PBX3: variants seen among roughly 807,000 people sequenced by gnomAD.
PBX3 encodes pre-B-cell leukemia transcription factor 3.
Under a neutral mutation model 48.5 loss-of-function variants are expected in PBX3, and 14 were observed. The ratio of observed to expected loss-of-function variants is 0.29; its 90% CI spans 0.19 to 0.45. The LOEUF (loss-of-function observed/expected upper bound fraction) is 0.45. Among genes scored for constraint, PBX3 ranks in the 20% least tolerant of loss-of-function variants. PBX3 has a pLI of 1.00. For missense variants in PBX3, 386 were observed against 546.7 expected (o/e 0.71, Z 2.93); for synonymous variants, 210 against 200.3 (o/e 1.05, Z -0.41).
At chr9:125,887,361 G>A (rs1025098292) in intron 2 of PBX3, among the ~76,000 whole-genome samples, 5 of 152,122 alleles carry the variant, frequency 3.3e-5, no homozygotes, top group Admixed American at 2.0e-4. Flanking sequence ...ATTACCCTGT[G>A]TCATAATTGA....
chr9:125,801,824 C>CACACACAT (rs1218542764), intron 2 of PBX3, among the ~76,000 whole-genome samples: 3 of 151,358 alleles, frequency 2.0e-5, no homozygotes, highest in Non-Finnish European at 2.9e-5. Flanking sequence ...CACACACACA[C>CACACACAT]ATATTCTTAA....
At chr9:125,906,065 C>T (rs1166438424) in intron 2 of PBX3, among the ~76,000 whole-genome samples, 2 of 151,870 alleles carry the variant, frequency 1.3e-5, no homozygotes, top group African/African-American at 2.4e-5. Flanking sequence ...TGCATACAGA[C>T]GAATGTTACA....
chr9:125,954,868 A>G (rs1842268969), intron 5 of PBX3, among the ~76,000 whole-genome samples: 3 of 152,192 alleles, frequency 2.0e-5, no homozygotes, highest in Admixed American at 6.5e-5. Flanking sequence ...ATGGGTATCA[A>G]ACTGCTGTGC....
At chr9:125,793,682 G>A (rs558763141) in intron 2 of PBX3, among the ~76,000 whole-genome samples, 4 of 151,850 alleles carry the variant, frequency 2.6e-5, no homozygotes, top group South Asian at 4.2e-4. Context: ...CGCCTGCCTC[G>A]TCCTCCCAAA....
chr9:125,868,083 C>T (rs1048006816), intron 2 of PBX3, among the ~76,000 whole-genome samples: 5 of 151,996 alleles, frequency 3.3e-5, no homozygotes, highest in Admixed American at 3.3e-4. Context: ...CAATGTTGTC[C>T]AGGCTGGTCT....
At position 125,777,010 on chromosome 9, in the gene PBX3, C is replaced by CTTTTTTTTTTTT. The variant is rs1299800849; in HGVS notation, c.274+28391_274+28392insTTTTTTTTTTTT. Among the ~76,000 whole-genome samples the CTTTTTTTTTTTT allele has an allele frequency of 3.1e-4, 29 of 94,348 alleles. No homozygotes were observed. The East Asian group carries it at 3.8e-3, about 13-fold the overall frequency. 61.9% of individuals were successfully genotyped at this position (94,348 alleles called of 152,430 possible). The stretch of plus-strand genomic sequence containing the variant: ...CTGGCTGACACATGATTTTTCTTTT[C>CTTTTTTTTTTTT]TTTTCTTTTTTTTTTTTGAGACGGA... On this transcript the variant is annotated intron_variant, in intron 2 of 8. Transcript: ENST00000373489.
At chr9:125,763,033 CTG>C (rs1285384565) in intron 2 of PBX3, among the ~76,000 whole-genome samples, 3 of 152,162 alleles carry the variant, frequency 2.0e-5, no homozygotes, top group Non-Finnish European at 2.9e-5. Flanking sequence ...TGGACACAAA[CTG>C]TGCCATTTAT....
intron 2 of PBX3, among the ~76,000 whole-genome samples, chr9:125,789,045 A>AT (rs1837531919): frequency 6.6e-6 from 1 of 151,758 alleles, no homozygotes; most frequent in Non-Finnish European, 1.5e-5. Context: ...TCTTTCTATG[A>AT]TTTGCTTTCA....
intron 5 of PBX3, among the ~76,000 whole-genome samples, chr9:125,937,575 A>G (rs943524021): frequency 1.3e-5 from 2 of 152,214 alleles, no homozygotes; most frequent in Non-Finnish European, 2.9e-5. Flanking sequence ...GAAATAAGTT[A>G]TGCTTATAAA....
At chr9:125,888,359 G>A (rs1228586273) in intron 2 of PBX3, among the ~76,000 whole-genome samples, 3 of 152,134 alleles carry the variant, frequency 2.0e-5, no homozygotes, top group Non-Finnish European at 4.4e-5. Context: ...GATGGATTTA[G>A]CTCTCAATCA....
At chr9:125,900,512 G>A (rs950782997) in intron 2 of PBX3, among the ~76,000 whole-genome samples, 10 of 151,500 alleles carry the variant, frequency 6.6e-5, no homozygotes, top group Non-Finnish European at 1.5e-4. Flanking sequence ...AAAACTTCAG[G>A]CTTCCTATAT....
At position 125,929,635 on chromosome 9, in the gene PBX3, A is replaced by ATT. The variant is rs5900678; in HGVS notation, c.517-12_517-11dup. 30 of 1,551,724 alleles carry ATT rather than the reference A, an allele frequency of 1.9e-5. No individual in the cohort carries two copies. In the East Asian group the frequency reaches 2.3e-4, roughly 12 times the overall value. On this transcript the variant is annotated intron_variant, in intron 3 of 8. Coordinates refer to ENST00000373489, the MANE Select transcript of PBX3 (RefSeq NM_006195.6). ...ATAGTAGATAGTTTCCAAAGGAGTG[A>ATT]TTTTTTTTTCCCATTACAGGCATGT... is the stretch of plus-strand genomic sequence containing the variant.
At chr9:125,943,305 A>G (rs956808339) in intron 5 of PBX3, among the ~76,000 whole-genome samples, 2 of 138,102 alleles carry the variant, frequency 1.4e-5, no homozygotes, top group Non-Finnish European at 3.0e-5. Flanking sequence ...CAGTGAGCCA[A>G]GATCATGCCA....
intron 2 of PBX3, among the ~76,000 whole-genome samples, chr9:125,776,755 G>A (rs541938547): frequency 1.1e-4 from 16 of 152,048 alleles, no homozygotes; most frequent in African/African-American, 3.9e-4. Context: ...TGTTCCCCAG[G>A]CTGGTCTTGA....
chr9:125,828,659 T>C (rs1333749616), intron 2 of PBX3, among the ~76,000 whole-genome samples: 1 of 152,208 alleles, frequency 6.6e-6, no homozygotes, highest in Admixed American at 6.5e-5. Context: ...CTTTGAGCTA[T>C]AGTTAAACAA....
rs189255416 is a variant in PBX3 at position 125,902,580 on chromosome 9, G to A, written c.275-13106G>A. ...ACTAAATATGCCTCATTTAAAACAC[G>A]CACAATACACATATAAAAATGTTTA... is the stretch of plus-strand genomic sequence containing the variant. On this transcript the variant is annotated intron_variant, in intron 2 of 8. Coordinates refer to ENST00000373489, the MANE Select transcript of PBX3 (RefSeq NM_006195.6). 2.2e-4 allele frequency among the ~76,000 whole-genome samples: 33 copies of A among 151,668 alleles called. No homozygotes were observed. The East Asian group carries it at 4.7e-3, about 21-fold the overall frequency.
rs139556750 is a variant in PBX3, at chr9:125,877,502, G to C, written c.275-38184G>C. ...AGAGCTACGTAAGTGTGTAAAAACA[G>C]AGAAATTAAGAGATATGCTTAACCC... On this transcript the variant is annotated intron_variant, in intron 2 of 8. Coordinates refer to ENST00000373489, the MANE Select transcript of PBX3 (RefSeq NM_006195.6). 2.6e-3 allele frequency among the ~76,000 whole-genome samples: 391 copies of C among 152,298 alleles called. 1 individual carries two copies. The highest frequency in any genetic ancestry group is 9.0e-3 in the African/African-American group (375 of 41,572).
chr9:125,886,807 GAACAA>G (rs1564156576), intron 2 of PBX3, among the ~76,000 whole-genome samples: 6 of 37,006 alleles, frequency 1.6e-4, no homozygotes, highest in Non-Finnish European at 5.6e-4. Context: ...ATTACAACTT[GAACAA>G]CATTTCTGAA....
intron 2 of PBX3, among the ~76,000 whole-genome samples, chr9:125,819,187 A>G (rs538305331): frequency 6.6e-6 from 1 of 151,878 alleles, no homozygotes; most frequent in South Asian, 2.1e-4. Context: ...CAAATCTAAA[A>G]CTATTTTTTT....
Sources: allele counts gnomAD v4.1 joint callset (sites outside exome capture counted in the v4.1 genomes callset), GRCh38; gene constraint gnomAD v4.1.1; transcripts MANE v1.5; gene names NCBI Gene and HGNC (gene_info 2026-07-23, HGNC 2026-07-21).